SHISA5: variants seen among roughly 807,000 people sequenced by gnomAD.
SHISA5 encodes the protein protein shisa-5.
SHISA5 carries 21 observed loss-of-function variants against 27.5 expected under a neutral mutation model. The ratio of observed to expected loss-of-function variants is 0.76; its 90% CI spans 0.54 to 1.10. SHISA5 has a LOEUF of 1.10. Ranked by LOEUF, SHISA5 falls within the 50% of genes least tolerant of loss-of-function variation. The pLI is 0.00. For synonymous variants in SHISA5, 137 were observed against 142.2 expected, an observed-to-expected ratio of 0.96 and a Z score of 0.26; for missense variants, 314 against 336.3, an observed-to-expected ratio of 0.93 and a Z score of 0.52.
In SHISA5 at chr3:48,468,901, C is replaced by T; in HGVS notation, c.*206G>A. On this transcript the variant is annotated 3_prime_UTR_variant, in exon 6 of 6. Transcript: ENST00000296444. ...TGAGGAAGAGAACAAAGTCTGGTCC[C>T]AGCCCACTCTGGCAAGGATTGTTCC... The T allele has an allele frequency of 6.5e-7, 1 of 1,537,544 alleles. No homozygotes were observed. The highest frequency in any genetic ancestry group is 1.2e-5 in the South Asian group (1 of 83,932).
rs144740843 is a variant in SHISA5, at chr3:48,469,573, G to C, written c.431C>G (p.Pro144Arg). ...CLYKTCRRPR[P>R]VVTTTTSTTV... ...GGTGGATGTGGTGGTGGTGACAACC[G>C]CTGCAAAGAGAATTCCAGTCAGGAC... is the stretch of plus-strand genomic sequence containing the variant. Residue 144 changes from proline (P) to arginine (R), a missense_variant and splice_region_variant, in exon 5 of 6, where the codon CCG becomes CGG. By Grantham distance (103) the Pro-to-Arg change is moderately radical. Coordinates refer to ENST00000296444, the MANE Select transcript of SHISA5 (RefSeq NM_016479.6). The surrounding 1 kb of genome is among the most constrained non-coding windows in gnomAD (Gnocchi z 4.6). The C allele has an allele frequency of 1.2e-6, 2 of 1,603,072 alleles. No homozygotes were observed. The highest frequency in any genetic ancestry group is 1.7e-6 in the Non-Finnish European group (2 of 1,172,824).
chr3:48,503,853 T>G (rs1575337962), intron 1 of SHISA5, 166 bp downstream of exon 1: 1 of 1,294,596 alleles, frequency 7.7e-7, no homozygotes, highest in Non-Finnish European at 9.8e-7. Context: ...GGTGCTGGGG[T>G]GGAGGAGGGG....
intron 2 of SHISA5, among the ~76,000 whole-genome samples, chr3:48,498,942 C>T (rs12495032): frequency 0.089 from 13,482 of 151,458 alleles, 1,375 homozygotes; most frequent in African/African-American, 0.25. Context: ...ATTAGCCGGG[C>T]GTGGTGGCAC....
At position 48,468,004 on chromosome 3, in the gene SHISA5, G is replaced by A; in HGVS notation, c.*1103C>T. On this transcript the variant is annotated 3_prime_UTR_variant, in exon 6 of 6. Transcript: ENST00000296444. The stretch of plus-strand genomic sequence containing the variant: ...AGGAACACGAGGTATTCATGTCTGG[G>A]CCAGAGCTGCCATCCAGGGCCCCAC... The A allele has an allele frequency of 3.3e-6, 1 of 304,412 alleles. No homozygotes were observed. Among genetic ancestry groups the A allele is most frequent in the Non-Finnish European group, 5.3e-6 (1 of 189,888 alleles). 18.9% of individuals were successfully genotyped at this position (304,412 alleles called of 1,614,324 possible). A position where few individuals can be genotyped will look rare whatever the true frequency, so the allele number is the denominator to read the frequency against.
intron 2 of SHISA5, among the ~76,000 whole-genome samples, chr3:48,486,602 A>T (rs1312788367): frequency 1.5e-5 from 2 of 133,180 alleles, no homozygotes; most frequent in Non-Finnish European, 3.1e-5. Context: ...TATAGATTAT[A>T]TATATATTAT....
At chr3:48,475,674 G>A (rs1016450029) in intron 3 of SHISA5, among the ~76,000 whole-genome samples, 2 of 152,180 alleles carry the variant, frequency 1.3e-5, no homozygotes, top group African/African-American at 4.8e-5. Flanking sequence ...CACAGCAGAG[G>A]GTCAGTGGTG....
chr3:48,501,860 C>CTTTTTT (rs35527637), intron 1 of SHISA5, among the ~76,000 whole-genome samples: 9 of 133,090 alleles, frequency 6.8e-5, no homozygotes, highest in African/African-American at 2.1e-4. Context: ...CCCTTTCTTT[C>CTTTTTT]TTTTTTTTTT....
At chr3:48,497,530 G>A (rs2041593289) in intron 2 of SHISA5, among the ~76,000 whole-genome samples, 1 of 151,244 alleles carries the variant, frequency 6.6e-6, no homozygotes, top group South Asian at 2.1e-4. Context: ...CAAAGTGCTG[G>A]GATTACAGGT....
chr3:48,501,409 C>T (rs995917375), intron 1 of SHISA5, 116 bp from the exon 2 acceptor site: 2 of 1,214,504 alleles, frequency 1.6e-6, no homozygotes, highest in Non-Finnish European at 2.3e-6. Context: ...TGCACCGTCT[C>T]TGAGCCACCC....
chr3:48,476,065 C>T (rs925274830), intron 3 of SHISA5, among the ~76,000 whole-genome samples: 3 of 152,102 alleles, frequency 2.0e-5, no homozygotes, highest in Admixed American at 6.6e-5. Flanking sequence ...TAGCCCAGGT[C>T]GGGCACAGTG....
chr3:48,481,641 T>C (rs974192819), intron 2 of SHISA5, among the ~76,000 whole-genome samples: 2 of 147,988 alleles, frequency 1.4e-5, no homozygotes, highest in Admixed American at 6.8e-5. Context: ...CTACAAAAAT[T>C]AGCCTGGTGT....
At chr3:48,504,646 C>G (rs1448091916), upstream of SHISA5, 1 of 152,488 alleles carries the variant, frequency 6.6e-6, no homozygotes, top group African/African-American at 2.4e-5. This position sits in a 1 kb window ranked among gnomAD's most constrained non-coding sequence, Gnocchi z 4.0. Flanking sequence ...ACTCAGTAGA[C>G]ACTCCACAAA....
intron 1 of SHISA5, chr3:48,502,248 G>C (rs1304765444): frequency 2.7e-6 from 1 of 372,756 alleles, no homozygotes; most frequent in African/African-American, 2.1e-5. Context: ...ACAACTGCAG[G>C]GGCCTGGCTC....
At chr3:48,499,561 T>C (rs1048484523) in intron 2 of SHISA5, among the ~76,000 whole-genome samples, 12 of 150,366 alleles carry the variant, frequency 8.0e-5, no homozygotes, top group Admixed American at 1.3e-4. Context: ...GCGCCTGTAG[T>C]TCCAGCTACT....
intron 2 of SHISA5, among the ~76,000 whole-genome samples, chr3:48,485,959 A>G (rs2041206185): frequency 1.3e-5 from 2 of 151,242 alleles, no homozygotes; most frequent in South Asian, 4.1e-4. Context: ...TGGGACCCGA[A>G]AAGCTGTACC....
At chr3:48,480,956 G>C (rs987901700) in intron 2 of SHISA5, among the ~76,000 whole-genome samples, 1 of 151,388 alleles carries the variant, frequency 6.6e-6, no homozygotes, top group African/African-American at 2.4e-5. Flanking sequence ...TTAGCCAGGC[G>C]TGGTGGCGGG....
chr3:48,473,984 CTGAG>C lies in SHISA5; in HGVS notation c.315-4145_315-4142del, dbSNP rs1210760382. Reference sequence around the variant, plus strand: ...AGGAGGCTTTCTCCAGCCTGGGAGACTGAGTGAGAATCTGTCTCAAAAAAAAAAA... The same window carrying C: ...AGGAGGCTTTCTCCAGCCTGGGAGACTGAGAATCTGTCTCAAAAAAAAAAA... On this transcript the variant is annotated intron_variant, in intron 3 of 5. Transcript: ENST00000296444. The surrounding 1 kb of genome is among the most constrained non-coding windows in gnomAD (Gnocchi z 4.3). Among the ~76,000 whole-genome samples, 2 of 139,072 alleles carry C rather than the reference CTGAG, an allele frequency of 1.4e-5. No homozygotes were observed. The highest frequency in any genetic ancestry group is 3.0e-5 in the Non-Finnish European group (2 of 66,144). The allele number at this position is 139,072 out of a possible 152,430, so 91.2% of individuals were successfully genotyped here.
intron 2 of SHISA5, among the ~76,000 whole-genome samples, chr3:48,486,531 A>G (rs1305168538): frequency 2.5e-5 from 3 of 119,926 alleles, no homozygotes; most frequent in Middle Eastern, 3.8e-3. Flanking sequence ...TATATAATAT[A>G]ATTATAAATA....
intron 3 of SHISA5, among the ~76,000 whole-genome samples, chr3:48,471,030 TTTTAA>T (rs994843612): frequency 2.6e-5 from 4 of 152,006 alleles, no homozygotes; most frequent in Admixed American, 6.5e-5. Flanking sequence ...TCTTTTTCTT[TTTTAA>T]TTTATTTTTT....
Sources: allele counts gnomAD v4.1 joint callset (sites outside exome capture counted in the v4.1 genomes callset), GRCh38; gene constraint gnomAD v4.1.1; non-coding constraint Gnocchi (gnomAD v3.1); transcripts MANE v1.5; gene names NCBI Gene and HGNC (gene_info 2026-07-23, HGNC 2026-07-21).